OPRM1: variants seen among roughly 807,000 people sequenced by gnomAD.
OPRM1 encodes the protein mu-type opioid receptor.
Under a neutral mutation model 31.8 loss-of-function variants are expected in OPRM1, and 27 were observed. The observed-to-expected ratio is 0.85, with a 90% confidence interval of 0.63 to 1.17. The LOEUF (loss-of-function observed/expected upper bound fraction) is 1.17. OPRM1 is among the 50% of genes most tolerant of loss of function. The pLI is 0.00. For missense variants in OPRM1, 536 were observed against 511.1 expected (o/e 1.05, Z -0.47); for synonymous variants, 196 against 189.9 (o/e 1.03, Z -0.26).
intron 3 of OPRM1, among the ~76,000 whole-genome samples, chr6:154,245,273 T>C (rs2128641104): frequency 7.0e-6 from 1 of 142,576 alleles, no homozygotes; most frequent in Middle Eastern, 3.6e-3. Flanking sequence ...TTGTTATAAC[T>C]CACCAAATGC....
chr6:154,233,608 T>C (rs932596169), intron 3 of OPRM1, among the ~76,000 whole-genome samples: 3 of 152,116 alleles, frequency 2.0e-5, no homozygotes, highest in Middle Eastern at 3.2e-3. Flanking sequence ...GCATTGATTA[T>C]AAAAACAGAT....
Position 154,119,847 on chromosome 6 carries a change from C to T in OPRM1, c.*1126C>T, listed in dbSNP as rs1797204696. ...TTAACAATGGCCCAAAAATATTTTC[C>T]TGAAGATTGTGTTTATATAATGTCA... On this transcript the variant is annotated 3_prime_UTR_variant, in exon 4 of 4. Transcript: ENST00000330432. Among the ~76,000 whole-genome samples, 1 of 152,148 alleles carries T rather than the reference C, an allele frequency of 6.6e-6. No homozygotes were observed. Among genetic ancestry groups the T allele is most frequent in the South Asian group, 2.1e-4 (1 of 4,830 alleles).
chr6:154,147,814 T>G (rs1032512604), intron 3 of OPRM1, among the ~76,000 whole-genome samples: 8 of 152,186 alleles, frequency 5.3e-5, no homozygotes, highest in Admixed American at 3.9e-4. Flanking sequence ...CCTAAAGTTG[T>G]AGGGATGGGA....
At chr6:154,100,158 CGT>C (rs542620049) in intron 3 of OPRM1, among the ~76,000 whole-genome samples, 50 of 19,168 alleles carry the variant, frequency 2.6e-3, no homozygotes, top group African/African-American at 5.1e-3. Context: ...CATATTATGA[CGT>C]ATCATAATAT....
chr6:154,083,966 AAAAGG>A (rs1422632268), intron 1 of OPRM1, among the ~76,000 whole-genome samples: 6 of 151,266 alleles, frequency 4.0e-5, no homozygotes, highest in Non-Finnish European at 5.9e-5. Context: ...AAAAAAAAAA[AAAAGG>A]AAGAAGACTG....
exon 4 of OPRM1, chr6:154,246,816 G>T: frequency 6.5e-7 from 1 of 1,544,712 alleles, no homozygotes; most frequent in Non-Finnish European, 8.8e-7. Context: ...GGTAGGTAAA[G>T]TATTATCCTG....
chr6:154,182,301 C>T (rs1247645442), intron 3 of OPRM1, among the ~76,000 whole-genome samples: 1 of 152,104 alleles, frequency 6.6e-6, no homozygotes, highest in African/African-American at 2.4e-5. Context: ...CAGCTCAAGG[C>T]TCTTCTACTG....
downstream of OPRM1, among the ~76,000 whole-genome samples, chr6:154,136,175 A>C (rs1032261740): frequency 6.6e-6 from 1 of 152,140 alleles, no homozygotes; most frequent in Non-Finnish European, 1.5e-5. Context: ...TAAAGGCAAA[A>C]GAAGCTATAG....
At chr6:154,234,985 T>C (rs1485455941) in intron 3 of OPRM1, among the ~76,000 whole-genome samples, 1 of 152,216 alleles carries the variant, frequency 6.6e-6, no homozygotes, top group Non-Finnish European at 1.5e-5. Flanking sequence ...TGTGCTACTG[T>C]TTTCACATAT....
At chr6:154,180,894 T>C (rs1800814124) in intron 3 of OPRM1, among the ~76,000 whole-genome samples, 1 of 152,132 alleles carries the variant, frequency 6.6e-6, no homozygotes, top group South Asian at 2.1e-4. Flanking sequence ...AAAATTTAGG[T>C]AGAAAACAGC....
rs919204278 is a variant in OPRM1, at chr6:154,130,342, G to A, written c.*11621G>A. On this transcript the variant is annotated 3_prime_UTR_variant, in exon 4 of 4. Transcript: ENST00000330432. ...CGCCACAACACCTGGCTAATTTTTT[G>A]TATTTTTAGTAGAGATGGGGTTTCA... 3.3e-5 allele frequency among the ~76,000 whole-genome samples: 5 copies of A among 151,648 alleles called. No individual in the cohort carries two copies. Among genetic ancestry groups the A allele is most frequent in the Admixed American group, 1.3e-4 (2 of 15,220 alleles).
chr6:154,148,199 G>C (rs1174991885), intron 3 of OPRM1, among the ~76,000 whole-genome samples: 2 of 152,164 alleles, frequency 1.3e-5, no homozygotes, highest in African/African-American at 4.8e-5. Flanking sequence ...GTGAACCCTG[G>C]AATATTAGTG....
At chr6:154,092,982 C>G (rs1583497952) in intron 3 of OPRM1, among the ~76,000 whole-genome samples, 1 of 152,220 alleles carries the variant, frequency 6.6e-6, no homozygotes, top group Non-Finnish European at 1.5e-5. Flanking sequence ...TAAACCTACT[C>G]CTTTTACTAG....
In OPRM1 at chr6:154,119,780, C is replaced by T. The variant is rs1454488298; in HGVS notation, c.*1059C>T. ...CATATGACCATACAGAAAAGTGTGT[C>T]ATCTATTTTTCAATCCTGTGTAGTT... On this transcript the variant is annotated 3_prime_UTR_variant, in exon 4 of 4. Transcript: ENST00000330432. 6.6e-6 allele frequency among the ~76,000 whole-genome samples: 1 copy of T among 152,120 alleles called. No individual in the cohort carries two copies. Among genetic ancestry groups the T allele is most frequent in the African/African-American group, 2.4e-5 (1 of 41,424 alleles).
At chr6:154,228,354 T>C (rs1365083421) in intron 3 of OPRM1, among the ~76,000 whole-genome samples, 1 of 152,102 alleles carries the variant, frequency 6.6e-6, no homozygotes, top group African/African-American at 2.4e-5. Context: ...ACCTGCAAGC[T>C]TCCCTCGAAA....
intron 3 of OPRM1, among the ~76,000 whole-genome samples, chr6:154,099,352 A>AGC (rs1166290984): frequency 6.9e-6 from 1 of 144,356 alleles, no homozygotes; most frequent in East Asian, 2.0e-4. Context: ...AGAGAGCGAG[A>AGC]GAGAGAGAGA....
At chr6:154,110,908 A>AAAAAAAG (rs1554278290) in intron 3 of OPRM1, among the ~76,000 whole-genome samples, 1 of 110,698 alleles carries the variant, frequency 9.0e-6, no homozygotes, top group Non-Finnish European at 2.3e-5. Context: ...AAAAAAAAAA[A>AAAAAAAG]AGAGAGAATT....
At chr6:154,204,903 A>C (rs946348806) in intron 3 of OPRM1, among the ~76,000 whole-genome samples, 1 of 152,098 alleles carries the variant, frequency 6.6e-6, no homozygotes, top group Non-Finnish European at 1.5e-5. Context: ...CTCCACCTGC[A>C]TCTCCTCCCT....
chr6:154,098,687 C>T (rs1467545806), intron 3 of OPRM1, among the ~76,000 whole-genome samples: 2 of 152,144 alleles, frequency 1.3e-5, no homozygotes, highest in Non-Finnish European at 2.9e-5. Flanking sequence ...TTTTGGATGT[C>T]ATTCTGATCA....
Sources: gnomAD v4.1 joint callset for allele counts (sites outside exome capture counted in the v4.1 genomes callset) on GRCh38, gnomAD v4.1.1 for gene constraint, MANE v1.5 for transcripts, NCBI Gene and HGNC (gene_info 2026-07-23, HGNC 2026-07-21) for gene names.